PAIP1: variants seen among roughly 807,000 people sequenced by gnomAD.
PAIP1 encodes poly(A) binding protein interacting protein 1.
Under a neutral mutation model 61.3 loss-of-function variants are expected in PAIP1, and 16 were observed. The observed-to-expected ratio is 0.26, with a 90% CI of 0.18 to 0.40. PAIP1 has a LOEUF of 0.40. Ranked by LOEUF, PAIP1 falls within the 10% of genes least tolerant of loss-of-function variation. The probability of loss-of-function intolerance (pLI) is 1.00; values close to 1 mark genes in which losing one functional copy is unlikely to be tolerated. For synonymous variants in PAIP1, 187 were observed against 226.2 expected (o/e 0.83, Z 1.56); for missense variants, 416 against 600.9 (o/e 0.69, Z 3.22).
chr5:43,529,974 C>A, intron 9 of PAIP1, 95 bp from the exon 10 acceptor site: 2 of 683,696 alleles, frequency 2.9e-6, no homozygotes, highest in South Asian at 3.3e-5. Context: ...ATGACTTTTG[C>A]CCCCCTGCAT....
At chr5:43,556,460 G>A in intron 1 of PAIP1, 122 bp downstream of exon 1, 1 of 1,205,600 alleles carries the variant, frequency 8.3e-7, no homozygotes, top group Non-Finnish European at 1.0e-6. Context: ...GGCCCTCTCG[G>A]GGAATGCTTT....
At chr5:43,541,809 C>G (rs1302561291) in intron 4 of PAIP1, among the ~76,000 whole-genome samples, 1 of 151,198 alleles carries the variant, frequency 6.6e-6, no homozygotes, top group African/African-American at 2.4e-5. Flanking sequence ...TCCAAAATAT[C>G]TAACATACTA....
At chr5:43,553,959 A>T (rs184109513) in intron 2 of PAIP1, among the ~76,000 whole-genome samples, 98 of 152,330 alleles carry the variant, frequency 6.4e-4, no homozygotes, top group African/African-American at 2.2e-3. Flanking sequence ...TAAATAAAAC[A>T]ACTTAAAGAA....
At chr5:43,554,535 G>C (rs190906629) in intron 2 of PAIP1, among the ~76,000 whole-genome samples, 4 of 152,078 alleles carry the variant, frequency 2.6e-5, no homozygotes, top group Middle Eastern at 6.8e-3. Context: ...CTAAAACATG[G>C]AACACAGCTT....
At chr5:43,536,656 A>C (rs1294042132) in intron 6 of PAIP1, among the ~76,000 whole-genome samples, 163 bp downstream of exon 6, 1 of 152,098 alleles carries the variant, frequency 6.6e-6, no homozygotes, top group South Asian at 2.1e-4. Context: ...TATATTAAAC[A>C]ATAAGTATAT....
rs151074491 is a variant in PAIP1, at chr5:43,538,951, A to G, written c.819T>C (p.Phe273=). ...TRKRFHAFVL[F]LGELYLNLEI... is the part of the protein sequence containing the mutation. The stretch of plus-strand genomic sequence containing the variant: ...CCAGGTTAAGATAAAGTTCTCCCAG[A>G]AAGAGTACAAATGCATGAAATCGTT... The change falls in exon 5 of 11, where the codon TTT becomes TTC. Residue 273 remains phenylalanine, a synonymous_variant. Coordinates refer to ENST00000306846, the MANE Select transcript of PAIP1 (RefSeq NM_006451.5). The G allele has an allele frequency of 3.9e-5, 62 of 1,608,648 alleles. No individual in the cohort carries two copies. In the African/African-American group the frequency reaches 6.7e-4, roughly 17 times the overall value.
At chr5:43,536,251 G>A (rs1026222324) in intron 6 of PAIP1, among the ~76,000 whole-genome samples, 4 of 152,104 alleles carry the variant, frequency 2.6e-5, no homozygotes, top group African/African-American at 4.8e-5. Context: ...ACATATGCTC[G>A]TCCACCCACC....
upstream of PAIP1, chr5:43,557,099 T>G: frequency 1.0e-5 from 6 of 594,810 alleles, no homozygotes; most frequent in Non-Finnish European, 9.6e-6. Context: ...AAAACCCGGC[T>G]CCCCGCCTTC....
At position 43,532,469 on chromosome 5, in the gene PAIP1, G is replaced by C. The variant is rs540976736; in HGVS notation, c.1252+1269C>G. 2.0e-5 allele frequency among the ~76,000 whole-genome samples: 3 copies of C among 152,224 alleles called. No individual in the cohort carries two copies. The South Asian group carries it at 6.2e-4, about 32-fold the overall frequency. On this transcript the variant is annotated intron_variant, in intron 9 of 10. Coordinates refer to ENST00000306846, the MANE Select transcript of PAIP1 (RefSeq NM_006451.5). ...CCAATTGTTGAGACAACAGGCAATG[G>C]AAAAGATAATTCCTATGATATCATC...
intron 3 of PAIP1, among the ~76,000 whole-genome samples, chr5:43,545,463 A>G (rs141539610): frequency 6.6e-6 from 1 of 152,356 alleles, no homozygotes; most frequent in Non-Finnish European, 1.5e-5. Context: ...TTCAGTGTAA[A>G]AAGATCTGGA....
At chr5:43,542,225 A>T (rs1164544235) in intron 4 of PAIP1, among the ~76,000 whole-genome samples, 1 of 149,494 alleles carries the variant, frequency 6.7e-6, no homozygotes, top group East Asian at 2.0e-4. Context: ...AATTACCCTA[A>T]GATATTTTTA....
intron 2 of PAIP1, among the ~76,000 whole-genome samples, chr5:43,554,220 C>T (rs745898102): frequency 2.8e-4 from 42 of 152,160 alleles, no homozygotes; most frequent in Admixed American, 5.2e-4. Context: ...CACAAACACA[C>T]CCCTGTATCC....
At chr5:43,551,426 G>A (rs1212239088) in intron 2 of PAIP1, among the ~76,000 whole-genome samples, 1 of 152,162 alleles carries the variant, frequency 6.6e-6, no homozygotes, top group Non-Finnish European at 1.5e-5. Flanking sequence ...AGAGACAACA[G>A]TACTTACCTC....
intron 2 of PAIP1, among the ~76,000 whole-genome samples, chr5:43,555,611 G>A (rs1748027388): frequency 6.6e-6 from 1 of 152,208 alleles, no homozygotes; most frequent in African/African-American, 2.4e-5. Context: ...GAACACAGAT[G>A]TGTATCTCAA....
chr5:43,556,795 C>T lies in PAIP1; in HGVS notation c.52G>A (p.Gly18Ser). 6.9e-7 allele frequency: 1 copy of T among 1,454,122 alleles called. No individual in the cohort carries two copies. The highest frequency in any genetic ancestry group is 9.0e-7 in the Non-Finnish European group (1 of 1,106,522). 90.1% of individuals were successfully genotyped at this position (1,454,122 alleles called of 1,614,324 possible). A position where few individuals can be genotyped will look rare whatever the true frequency, so the allele number is the denominator to read the frequency against. ...GGCCCGCCCCCTCCGCGGCCCAGGC[C>T]CCGGCTCCGGCCCCGACCAGCACCT... ...APGAGRGRSR[G>S]LGRGGGGPEG... is the part of the protein sequence containing the mutation. Residue 18 changes from glycine (G) to serine (S), a missense_variant, in exon 1 of 11, where the codon GGC (glycine) becomes AGC (serine). Gly to Ser is a moderately conservative substitution (Grantham distance 56). Transcript: ENST00000306846.
At chr5:43,537,996 CAAAAAAAAA>C (rs5867636) in intron 5 of PAIP1, among the ~76,000 whole-genome samples, 3 of 92,682 alleles carry the variant, frequency 3.2e-5, no homozygotes, top group Admixed American at 1.4e-4. Context: ...TGTCCCCACC[CAAAAAAAAA>C]AAAAAAAAAA....
rs1748035897 is a variant in PAIP1, at chr5:43,555,822, G to GT, written c.435+7dup. 2 of 1,600,898 alleles carry GT rather than the reference G, an allele frequency of 1.2e-6. No individual in the cohort carries two copies. Among genetic ancestry groups the GT allele is most frequent in the East Asian group, 4.5e-5 (2 of 44,756 alleles). On this transcript the variant is annotated splice_region_variant and intron_variant, in intron 2 of 10. Transcript: ENST00000306846. ...AACCCAGAGTTGTAGGAAAAAGGGTGTACTTACTGTGTAACTGGAAGAATA... is the reference window on the plus strand; with the variant it reads ...AACCCAGAGTTGTAGGAAAAAGGGTGTTACTTACTGTGTAACTGGAAGAATA...
At chr5:43,551,347 A>T (rs1041238912) in intron 2 of PAIP1, among the ~76,000 whole-genome samples, 3 of 152,212 alleles carry the variant, frequency 2.0e-5, no homozygotes, top group Non-Finnish European at 4.4e-5. Flanking sequence ...ACAATCCATT[A>T]ACAAGGAATT....
At chr5:43,529,735 T>C (rs1421318460) in intron 10 of PAIP1, 51 bp downstream of exon 10, 3 of 950,950 alleles carry the variant, frequency 3.2e-6, no homozygotes, top group Non-Finnish European at 3.5e-6. Flanking sequence ...AATCTCCACC[T>C]ATAAATTAGA....
Sources: allele counts gnomAD v4.1 joint callset (sites outside exome capture counted in the v4.1 genomes callset), GRCh38; gene constraint gnomAD v4.1.1; transcripts MANE v1.5; gene names NCBI Gene and HGNC (gene_info 2026-07-23, HGNC 2026-07-21).